The following ZNF280C variants were observed in gnomAD, a reference collection of about 807,000 sequenced individuals.
ZNF280C encodes the protein zinc finger protein 280C, also known as suppressor of hairy wing homolog 3.
In ZNF280C, 14 loss-of-function variants were observed where a neutral mutation model predicts 53.6. That is an observed-to-expected ratio of 0.26 (90% CI 0.17 to 0.41). The LOEUF is 0.41. ZNF280C is among the 10% of genes least tolerant of loss of function. The pLI is 1.00. For synonymous variants in ZNF280C, 203 were observed against 181.1 expected, an observed-to-expected ratio of 1.12 and a Z score of -0.97; for missense variants, 416 against 547.1, an observed-to-expected ratio of 0.76 and a Z score of 2.39.
Position 130,216,076 on chromosome X carries a change from G to A in ZNF280C, c.1553C>T (p.Pro518Leu). Reference protein sequence around the residue: ...AKVTIRASLGPLQSKLPTAPF... With the variant: ...AKVTIRASLGLLQSKLPTAPF... ...TGCAGTTGGTAATTTTGACTGGAGA[G>A]GTCCAAGTGAAGCTCGAATAGTAAC... The change falls in exon 14 of 19, where the codon CCT becomes CTT. Residue 518 changes from proline to leucine, a missense_variant. Pro to Leu is a moderately conservative substitution (Grantham distance 98). Coordinates refer to ENST00000370978, the MANE Select transcript of ZNF280C (RefSeq NM_017666.5). 1 of 1,206,218 alleles carries A rather than the reference G, an allele frequency of 8.3e-7. No individual in the cohort carries two copies. The highest frequency in any genetic ancestry group is 1.1e-6 in the Non-Finnish European group (1 of 892,847).
intron 2 of ZNF280C, among the ~76,000 whole-genome samples, chrX:130,257,904 T>A (rs1246385729): frequency 1.8e-5 from 2 of 111,678 alleles, no homozygotes; most frequent in Non-Finnish European, 3.8e-5. Flanking sequence ...AGGCCAGGAG[T>A]TCGAGACCAG....
intron 12 of ZNF280C, among the ~76,000 whole-genome samples, chrX:130,224,286 C>T (rs935252313): frequency 9.0e-6 from 1 of 111,678 alleles, no homozygotes; most frequent in Non-Finnish European, 1.9e-5. Context: ...GGAAGCAGGT[C>T]CTCACCAGAC....
intron 6 of ZNF280C, among the ~76,000 whole-genome samples, chrX:130,237,430 C>T (rs144141694): frequency 1.6e-3 from 179 of 111,484 alleles, no homozygotes; most frequent in African/African-American, 5.5e-3. Flanking sequence ...AATTTCATTG[C>T]TAAAGATAGT....
chrX:130,257,150 G>A lies in ZNF280C; in HGVS notation c.31+3269C>T, dbSNP rs573006297. Among the ~76,000 whole-genome samples, 51 of 94,937 alleles carry A rather than the reference G, an allele frequency of 5.4e-4. 1 individual carries two copies. In the South Asian group the frequency reaches 0.02, roughly 37 times the overall value. 82.4% of individuals were successfully genotyped at this position (94,937 alleles called of 115,157 possible). Reference sequence around the variant, plus strand: ...TGGGAGGCAGAGCTTGCAGTGAGCCGAGATCACGCCACTGCACTCCAGCCT... The same window carrying A: ...TGGGAGGCAGAGCTTGCAGTGAGCCAAGATCACGCCACTGCACTCCAGCCT... On this transcript the variant is annotated intron_variant, in intron 2 of 18. Coordinates refer to ENST00000370978, the MANE Select transcript of ZNF280C (RefSeq NM_017666.5).
At chrX:130,232,590 C>T (rs1237051249) in intron 8 of ZNF280C, among the ~76,000 whole-genome samples, 1 of 111,394 alleles carries the variant, frequency 9.0e-6, no homozygotes, top group African/African-American at 3.3e-5. Flanking sequence ...TGCAAAGGTG[C>T]TCAACATTGC....
At chrX:130,221,474 T>C (rs760591902) in intron 12 of ZNF280C, among the ~76,000 whole-genome samples, 4 of 111,564 alleles carry the variant, frequency 3.6e-5, no homozygotes, top group South Asian at 7.6e-4. Context: ...CAAATCAACA[T>C]GGACAAAAAG....
chrX:130,210,266 A>G (rs903576140), intron 15 of ZNF280C, among the ~76,000 whole-genome samples: 1 of 112,108 alleles, frequency 8.9e-6, no homozygotes. Flanking sequence ...CTTTACCTTT[A>G]TATTTTCTAA....
intron 15 of ZNF280C, among the ~76,000 whole-genome samples, chrX:130,211,433 A>G (rs2032039590): frequency 8.9e-6 from 1 of 112,298 alleles, no homozygotes; most frequent in Admixed American, 9.5e-5. Context: ...TCTTCTCATA[A>G]GAGTTGGCAT....
Position 130,204,253 on chromosome X carries a change from G to C in ZNF280C, c.*724C>G, listed in dbSNP as rs780232989. 8.9e-6 allele frequency: 1 copy of C among 112,269 alleles called. No individual in the cohort carries two copies. The highest frequency in any genetic ancestry group is 3.2e-5 in the African/African-American group (1 of 30,840). 9.3% of individuals were successfully genotyped at this position (112,269 alleles called of 1,213,427 possible). A position where few individuals can be genotyped will look rare whatever the true frequency, so the allele number is the denominator to read the frequency against. ...TCATGGACTTTTCTTGGTTAGAATCGACCCATAAGCTTAAGATCAAAAGCC... is the reference window on the plus strand; with the variant it reads ...TCATGGACTTTTCTTGGTTAGAATCCACCCATAAGCTTAAGATCAAAAGCC... On this transcript the variant is annotated 3_prime_UTR_variant, in exon 19 of 19. Transcript: ENST00000370978.
chrX:130,227,665 A>T lies in ZNF280C; in HGVS notation c.1248+17T>A. ...AATTAAACAAACACTTAACTACACAATAAAATGTGTGTGTACCTGGCAAAC... is the reference window on the plus strand; with the variant it reads ...AATTAAACAAACACTTAACTACACATTAAAATGTGTGTGTACCTGGCAAAC... On this transcript the variant is annotated intron_variant, in intron 11 of 18. Transcript: ENST00000370978. The T allele has an allele frequency of 1.8e-6, 2 of 1,082,482 alleles. No individual in the cohort carries two copies. Among genetic ancestry groups the T allele is most frequent in the Non-Finnish European group, 2.6e-6 (2 of 778,860 alleles). 89.2% of individuals were successfully genotyped at this position (1,082,482 alleles called of 1,213,427 possible).
intron 15 of ZNF280C, among the ~76,000 whole-genome samples, chrX:130,210,836 G>GT (rs1444259531): frequency 8.9e-6 from 1 of 112,549 alleles, no homozygotes; most frequent in Non-Finnish European, 1.9e-5. Context: ...GCCTAGCACA[G>GT]TATTACTCAA....
intron 8 of ZNF280C, among the ~76,000 whole-genome samples, chrX:130,232,350 G>A (rs1324662457): frequency 9.3e-6 from 1 of 107,595 alleles, no homozygotes; most frequent in South Asian, 4.2e-4. Context: ...CCAATGAGAT[G>A]AAACTAATTT....
chrX:130,249,410 C>A (rs1276671491), intron 2 of ZNF280C, among the ~76,000 whole-genome samples: 1 of 112,191 alleles, frequency 8.9e-6, no homozygotes, highest in Non-Finnish European at 1.9e-5. Flanking sequence ...CTGGCATCAC[C>A]CATTGGCGTG....
At chrX:130,221,131 T>C (rs1015913109) in intron 12 of ZNF280C, among the ~76,000 whole-genome samples, 4 of 111,342 alleles carry the variant, frequency 3.6e-5, no homozygotes, top group Admixed American at 1.9e-4. Context: ...AAAAGCTCTT[T>C]ACAAAGTTCA....
chrX:130,233,856 AAAGAC>A (rs2032304612), intron 8 of ZNF280C, among the ~76,000 whole-genome samples: 1 of 110,464 alleles, frequency 9.1e-6, no homozygotes, highest in Non-Finnish European at 1.9e-5. Context: ...AGTGTTAAAT[AAAGAC>A]AAGACTACAT....
intron 12 of ZNF280C, among the ~76,000 whole-genome samples, chrX:130,220,918 GTTC>G (rs2032156170): frequency 9.1e-6 from 1 of 110,314 alleles, no homozygotes; most frequent in Non-Finnish European, 1.9e-5. Context: ...TTATGCATAT[GTTC>G]TTATTAATTA....
chrX:130,243,944 C>G, intron 3 of ZNF280C, 79 bp from the exon 4 acceptor site: 1 of 600,656 alleles, frequency 1.7e-6, no homozygotes, highest in East Asian at 4.0e-5. Flanking sequence ...AAAAACATAT[C>G]TTTGCATAAC....
At chrX:130,228,321 T>C (rs188606232) in intron 10 of ZNF280C, among the ~76,000 whole-genome samples, 42 of 112,218 alleles carry the variant, frequency 3.7e-4, no homozygotes, top group Non-Finnish European at 1.9e-4. Flanking sequence ...CTCGCTCTTG[T>C]TGCCCAGGCT....
At chrX:130,205,671 G>A (rs999265578) in intron 16 of ZNF280C, among the ~76,000 whole-genome samples, 4 of 109,956 alleles carry the variant, frequency 3.6e-5, no homozygotes, top group Non-Finnish European at 7.6e-5. Context: ...CTGGGGTCAG[G>A]AGTTCGAGAC....
Sources: allele counts gnomAD v4.1 joint callset (sites outside exome capture counted in the v4.1 genomes callset), GRCh38; gene constraint gnomAD v4.1.1; transcripts MANE v1.5; gene names NCBI Gene and HGNC (gene_info 2026-07-23, HGNC 2026-07-21).